Variants in MAP1A observed in about 807,000 individuals in gnomAD.
The protein encoded by MAP1A is microtubule associated protein 1A, also known as microtubule-associated protein 1A.
MAP1A carries 42 observed loss-of-function variants against 185.9 expected under a neutral mutation model. The ratio of observed to expected loss-of-function variants is 0.23; its 90% CI spans 0.18 to 0.29. The LOEUF is 0.29. Among genes scored for constraint, MAP1A ranks in the 10% least tolerant of loss-of-function variants. The pLI is 1.00. For missense variants in MAP1A, 2,995 were observed against 3,450.4 expected (o/e 0.87, Z 3.31); for synonymous variants, 1,229 against 1,335.9 (o/e 0.92, Z 1.74).
Position 43,528,622 on chromosome 15 carries a change from G to A in MAP1A, c.7149G>A (p.Ala2383=), listed in dbSNP as rs545975960. Residue 2383 remains alanine, a synonymous_variant, in exon 4 of 6, where the codon GCG becomes GCA. Transcript: ENST00000300231. ...APAKAENEEA[A]ACPAWERGAW... ...CCAAGGCTGAAAATGAAGAGGCTGC[G>A]GCTTGCCCTGCCTGGGAACGTGGGG... 5.3e-5 allele frequency: 86 copies of A among 1,613,492 alleles called. No homozygotes were observed. Among genetic ancestry groups the A allele is most frequent in the Non-Finnish European group, 4.8e-5 (57 of 1,179,920 alleles).
Position 43,523,658 on chromosome 15 carries a change from A to C in MAP1A, c.2185A>C (p.Thr729Pro). Residue 729 changes from threonine (T) to proline (P), a missense_variant, in exon 4 of 6, where the codon ACT (threonine) becomes CCT (proline). Around this residue, in one of 3 missense-constraint regions of MAP1A, gnomAD observed 2,728 missense variants for 2,986.0 expected, o/e 0.91. Coordinates refer to ENST00000300231, the MANE Select transcript of MAP1A (RefSeq NM_002373.6). Reference sequence around the variant, plus strand: ...CAGCCTGACCACACCTGCAGGAGCCACTGAGCATGTCTCTTACATCCAGGA... The same window carrying C: ...CAGCCTGACCACACCTGCAGGAGCCCCTGAGCATGTCTCTTACATCCAGGA... ...LSSLTTPAGA[T>P]EHVSYIQDET... 1 of 1,614,074 alleles carries C rather than the reference A, an allele frequency of 6.2e-7. No individual in the cohort carries two copies. The highest frequency in any genetic ancestry group is 1.3e-5 in the African/African-American group (1 of 75,052).
At chr15:43,519,417 C>T (rs1165946549) in intron 1 of MAP1A, among the ~76,000 whole-genome samples, 1 of 152,146 alleles carries the variant, frequency 6.6e-6, no homozygotes, top group Non-Finnish European at 1.5e-5. Flanking sequence ...AGGCCCTGGC[C>T]CCAGGCTTCT....
At position 43,527,589 on chromosome 15, in the gene MAP1A, C is replaced by A. The variant is rs1430811550; in HGVS notation, c.6116C>A (p.Ala2039Glu). 3.1e-6 allele frequency: 5 copies of A among 1,614,008 alleles called. No individual in the cohort carries two copies. Among genetic ancestry groups the A allele is most frequent in the East Asian group, 2.2e-5 (1 of 44,890 alleles). ...DTPTFSYAAL[A>E]GPTVPPRPEP... The stretch of plus-strand genomic sequence containing the variant: ...CCAACCTTCAGCTATGCAGCCCTGG[C>A]AGGACCCACTGTACCCCCAAGGCCA... The change falls in exon 4 of 6, where the codon GCA (alanine) becomes GAA (glutamate). Residue 2039 changes from alanine (A) to glutamate (E), a missense_variant. Transcript: ENST00000300231.
chr15:43,511,065 C>T (rs759378989), exon 1 of MAP1A: 9 of 1,549,360 alleles, frequency 5.8e-6, no homozygotes, highest in Non-Finnish European at 2.6e-6. Flanking sequence ...CTCCGAAGTC[C>T]CGGCGCACCG....
Position 43,521,042 on chromosome 15 carries a change from G to A in MAP1A, c.-221G>A. 6 of 1,550,244 alleles carry A rather than the reference G, an allele frequency of 3.9e-6. No individual in the cohort carries two copies. Among genetic ancestry groups the A allele is most frequent in the Non-Finnish European group, 4.4e-6 (5 of 1,146,836 alleles). ...TTGAGTGGGCAAAGTTTAGAGCCTG[G>A]GGGAGACCTCATCCTACAGAGTGGC... On this transcript the variant is annotated 5_prime_UTR_variant, in exon 3 of 6. Coordinates refer to ENST00000300231, the MANE Select transcript of MAP1A (RefSeq NM_002373.6). The surrounding 1 kb of genome is among the most constrained non-coding windows in gnomAD (Gnocchi z 4.6).
rs1566977530 is a variant in MAP1A, at chr15:43,523,477, TGAG to T, written c.2010_2012del (p.Glu672del). On this transcript the variant is annotated inframe_deletion, in exon 4 of 6. Coordinates refer to ENST00000300231, the MANE Select transcript of MAP1A (RefSeq NM_002373.6). ...AAATGGAGGAGGTACACCCTTCAGA[TGAG>T]GAGGAAGAGGACGCGACAAAAGCTG... is the stretch of plus-strand genomic sequence containing the variant. 3 of 1,613,884 alleles carry T rather than the reference TGAG, an allele frequency of 1.9e-6. No homozygotes were observed. The highest frequency in any genetic ancestry group is 1.7e-5 in the Admixed American group (1 of 59,994).
chr15:43,511,738 T>C (rs1350031694), intron 1 of MAP1A, among the ~76,000 whole-genome samples: 1 of 152,186 alleles, frequency 6.6e-6, no homozygotes, highest in African/African-American at 2.4e-5. Flanking sequence ...GTGGCTGTGG[T>C]GCAGTGCTGC....
In MAP1A at chr15:43,531,556, C is replaced by T. The variant is rs1798741213; in HGVS notation, c.*1332C>T. The T allele has an allele frequency of 6.5e-6, 1 of 152,982 alleles. No individual in the cohort carries two copies. Among genetic ancestry groups the T allele is most frequent in the Middle Eastern group, 3.4e-3 (1 of 294 alleles). The allele number at this position is 152,982 out of a possible 1,614,324, so 9.5% of individuals were successfully genotyped here. A position where few individuals can be genotyped will look rare whatever the true frequency, so the allele number is the denominator to read the frequency against. On this transcript the variant is annotated 3_prime_UTR_variant, in exon 6 of 6. Transcript: ENST00000300231. Reference sequence around the variant, plus strand: ...CTCCCCACGCTTCCCTGCTATAGTTCCCAGCTGCTGTAACGGAGCCACCTC... The same window carrying T: ...CTCCCCACGCTTCCCTGCTATAGTTTCCAGCTGCTGTAACGGAGCCACCTC...
intron 1 of MAP1A, among the ~76,000 whole-genome samples, chr15:43,519,573 A>C (rs1322648250): frequency 6.6e-6 from 1 of 152,226 alleles, no homozygotes; most frequent in Non-Finnish European, 1.5e-5. Flanking sequence ...ATGTACTGCA[A>C]TTGGAAAGGG....
chr15:43,519,042 A>G (rs1162239974), intron 1 of MAP1A, among the ~76,000 whole-genome samples: 1 of 152,066 alleles, frequency 6.6e-6, no homozygotes, highest in Non-Finnish European at 1.5e-5. Flanking sequence ...AGTGTGTGCT[A>G]TAGATATTTG....
At position 43,521,265 on chromosome 15, in the gene MAP1A, T is replaced by G; in HGVS notation, c.-150-59T>G. 6.6e-7 allele frequency: 1 copy of G among 1,503,798 alleles called. No individual in the cohort carries two copies. The highest frequency in any genetic ancestry group is 8.9e-7 in the Non-Finnish European group (1 of 1,129,692). The allele number at this position is 1,503,798 out of a possible 1,614,324, so 93.2% of individuals were successfully genotyped here. A position where few individuals can be genotyped will look rare whatever the true frequency, so the allele number is the denominator to read the frequency against. On this transcript the variant is annotated intron_variant, in intron 3 of 5. Coordinates refer to ENST00000300231, the MANE Select transcript of MAP1A (RefSeq NM_002373.6). The surrounding 1 kb of genome is among the most constrained non-coding windows in gnomAD (Gnocchi z 4.6). ...GAGGTGAAGATTAGGGTACTGAATC[T>G]AAGTCAGACCAAAACAACTCTAGTG...
intron 1 of MAP1A, chr15:43,512,064 A>T: frequency 1.5e-6 from 1 of 660,132 alleles, no homozygotes; most frequent in Non-Finnish European, 2.8e-6. Flanking sequence ...ACTGAGGCTG[A>T]TCATGGCAAC....
intron 1 of MAP1A, among the ~76,000 whole-genome samples, chr15:43,520,383 G>A (rs1203697627): frequency 6.6e-6 from 1 of 152,104 alleles, no homozygotes; most frequent in East Asian, 1.9e-4. Context: ...CAGAGGGATG[G>A]GGGCACAGGC....
rs372613318 is a variant in MAP1A at position 43,528,802 on chromosome 15, C to G, written c.7329C>G (p.Pro2443=). ...GPQGCATEPR[P]HRGELSPSFL... Reference sequence around the variant, plus strand: ...AGGGATGTGCCACTGAGCCTCGGCCCCATCGTGGGGAGCTCTCCCCATCCT... The same window carrying G: ...AGGGATGTGCCACTGAGCCTCGGCCGCATCGTGGGGAGCTCTCCCCATCCT... Residue 2443 remains proline (P), a synonymous_variant, in exon 4 of 6, where the codon CCC becomes CCG. Coordinates refer to ENST00000300231, the MANE Select transcript of MAP1A (RefSeq NM_002373.6). 85 of 1,613,444 alleles carry G rather than the reference C, an allele frequency of 5.3e-5. No homozygotes were observed. The highest frequency in any genetic ancestry group is 6.9e-5 in the Non-Finnish European group (82 of 1,179,972).
intron 1 of MAP1A, among the ~76,000 whole-genome samples, chr15:43,518,286 G>A (rs1881093820): frequency 6.6e-6 from 1 of 151,902 alleles, no homozygotes; most frequent in Admixed American, 6.6e-5. Context: ...TATTCCCTGC[G>A]GCTAGCTTTA....
In MAP1A at chr15:43,528,893, G is replaced by A; in HGVS notation, c.7420G>A (p.Val2474Ile). 3 of 1,613,264 alleles carry A rather than the reference G, an allele frequency of 1.9e-6. No homozygotes were observed. Among genetic ancestry groups the A allele is most frequent in the South Asian group, 1.1e-5 (1 of 91,080 alleles). The stretch of plus-strand genomic sequence containing the variant: ...CCTCTCAACTGAGGAAGTTCGGCTA[G>A]TAGGAAGAGGGGGGCGGCGCCGGGT... ...RDLSTEEVRL[V>I]GRGGRRRVGG... is the part of the protein sequence containing the mutation. Residue 2474 changes from valine to isoleucine, a missense_variant, in exon 4 of 6, where the codon GTA becomes ATA. Around this residue, in one of 3 missense-constraint regions of MAP1A, gnomAD observed 2,728 missense variants for 2,986.0 expected, o/e 0.91. Transcript: ENST00000300231.
At position 43,524,884 on chromosome 15, in the gene MAP1A, G is replaced by A. The variant is rs765660220; in HGVS notation, c.3411G>A (p.Val1137=). Residue 1137 remains valine (V), a synonymous_variant, in exon 4 of 6, where the codon GTG becomes GTA. Coordinates refer to ENST00000300231, the MANE Select transcript of MAP1A (RefSeq NM_002373.6). ...CTGGCAAACCTCAGAAAGATGAGGT[G>A]CTCAGATATCCTGACCGAAGCCTCT... The part of the protein sequence containing the change: ...QEPGKPQKDE[V]LRYPDRSLSP... 7 of 1,614,174 alleles carry A rather than the reference G, an allele frequency of 4.3e-6. No individual in the cohort carries two copies. The East Asian group carries it at 1.1e-4, about 26-fold the overall frequency.
Position 43,529,700 on chromosome 15 carries a change from G to T in MAP1A, c.8086G>T (p.Ala2696Ser), listed in dbSNP as rs199653721. The part of the protein sequence containing the change: ...SSGAPVYVDL[A>S]YIPNHCSGKT... ...TGGTGCCCCTGTATATGTGGATCTC[G>T]CCTACATCCCGAATCATTGCAGTGG... Residue 2696 changes from alanine to serine, a missense_variant, in exon 5 of 6, where the codon GCC becomes TCC. This residue lies in a region of MAP1A where 2,728 missense variants were observed against 2,986.0 expected (regional missense o/e 0.91). Transcript: ENST00000300231. The surrounding 1 kb of genome is among the most constrained non-coding windows in gnomAD (Gnocchi z 4.3). 6.2e-7 allele frequency: 1 copy of T among 1,614,032 alleles called. No homozygotes were observed. Among genetic ancestry groups the T allele is most frequent in the South Asian group, 1.1e-5 (1 of 91,078 alleles).
In MAP1A at chr15:43,527,311, T is replaced by C. The variant is rs761040680; in HGVS notation, c.5838T>C (p.Pro1946=). ...GCAAAAGCCATGCCACCACGGAGCCTGAGCAGACTGAGCCGGAGCAGAGAG... is the reference window on the plus strand; with the variant it reads ...GCAAAAGCCATGCCACCACGGAGCCCGAGCAGACTGAGCCGGAGCAGAGAG... ...EASKSHATTE[P]EQTEPEQREP... Residue 1946 remains proline (P), a synonymous_variant, in exon 4 of 6, where the codon CCT becomes CCC. Coordinates refer to ENST00000300231, the MANE Select transcript of MAP1A (RefSeq NM_002373.6). 19 of 1,614,042 alleles carry C rather than the reference T, an allele frequency of 1.2e-5. No individual in the cohort carries two copies. In the Admixed American group the frequency reaches 2.8e-4, roughly 24 times the overall value.
Sources: allele counts gnomAD v4.1 joint callset (sites outside exome capture counted in the v4.1 genomes callset), GRCh38; gene constraint gnomAD v4.1.1; regional missense constraint gnomAD v4.1.1; non-coding constraint Gnocchi (gnomAD v3.1); transcripts MANE v1.5; gene names NCBI Gene and HGNC (gene_info 2026-07-23, HGNC 2026-07-21).